The following HOOK2 variants were observed in gnomAD, a reference collection of about 807,000 sequenced individuals.
HOOK2 encodes hook microtubule tethering protein 2, also known as protein Hook homolog 2.
HOOK2 carries 108 observed loss-of-function variants against 111.9 expected under a neutral mutation model. The ratio of observed to expected loss-of-function variants is 0.96; its 90% confidence interval spans 0.83 to 1.13. HOOK2 has a LOEUF of 1.13. Ranked by LOEUF, HOOK2 falls within the 50% of genes most tolerant of loss-of-function variation. The probability of loss-of-function intolerance (pLI) is 0.00; values close to 1 mark genes in which losing one functional copy is unlikely to be tolerated. For synonymous variants in HOOK2, 405 were observed against 394.3 expected (o/e 1.03, Z -0.32); for missense variants, 978 against 951.3 (o/e 1.03, Z -0.37).
Position 12,772,923 on chromosome 19 carries a change from G to A in HOOK2, c.256-11C>T, listed in dbSNP as rs1358608596. On this transcript the variant is annotated splice_polypyrimidine_tract_variant and intron_variant, in intron 4 of 22. Coordinates refer to ENST00000397668, the MANE Select transcript of HOOK2 (RefSeq NM_013312.3). The stretch of plus-strand genomic sequence containing the variant: ...AGGATGCGCCAGGACCTGGGGAGAA[G>A]GGGGTGTCAGGGGCTCATGGGCCCA... The A allele has an allele frequency of 4.3e-6, 7 of 1,614,094 alleles. 1 individual carries two copies. The highest frequency in any genetic ancestry group is 2.2e-5 in the East Asian group (1 of 44,898).
chr19:12,789,199 G>GAGAGAGAGAGAGACAGAGAC (rs1968682921), intron 3 of HOOK2, among the ~76,000 whole-genome samples: 1 of 121,506 alleles, frequency 8.2e-6, no homozygotes, highest in Non-Finnish European at 1.6e-5. Flanking sequence ...GAGACAAAGA[G>GAGAGAGAGAGAGACAGAGAC]AGAGAGAGAG....
intron 11 of HOOK2, among the ~76,000 whole-genome samples, chr19:12,768,963 A>ATTTTT (rs757287596): frequency 8.2e-6 from 1 of 122,322 alleles, no homozygotes; most frequent in African/African-American, 3.1e-5. Context: ...AGCCCGGCTA[A>ATTTTT]TTTTTTTTTT....
At position 12,763,186 on chromosome 19, in the gene HOOK2, C is replaced by T. The variant is rs998100660; in HGVS notation, c.*96G>A. On this transcript the variant is annotated 3_prime_UTR_variant, in exon 23 of 23. Coordinates refer to ENST00000397668, the MANE Select transcript of HOOK2 (RefSeq NM_013312.3). ...AAGAGCAGAGATCATGGCCTCAAAG[C>T]TCTCGAGCACCTGGCTGAAGCCCAG... The T allele has an allele frequency of 1.5e-6, 2 of 1,378,078 alleles. No homozygotes were observed. Among genetic ancestry groups the T allele is most frequent in the East Asian group, 2.3e-5 (1 of 42,766 alleles). The allele number at this position is 1,378,078 out of a possible 1,614,324, so 85.4% of individuals were successfully genotyped here. A position where few individuals can be genotyped will look rare whatever the true frequency, so the allele number is the denominator to read the frequency against.
chr19:12,791,732 GC>G lies in HOOK2; in HGVS notation n.42-17508del. ...GCTCGCTGCAGCGAGGCCCGGAGCG[GC>G]CCCGCAGGGACCCTCCCCAGACCGC... On this transcript the variant is annotated intron_variant and non_coding_transcript_variant, in intron 3 of 3. Transcript: ENST00000589765. This position sits in a 1 kb window ranked among gnomAD's most constrained non-coding sequence, Gnocchi z 7.0. The G allele has an allele frequency of 6.8e-7, 1 of 1,464,652 alleles. No homozygotes were observed. 90.7% of individuals were successfully genotyped at this position (1,464,652 alleles called of 1,614,324 possible). A position where few individuals can be genotyped will look rare whatever the true frequency, so the allele number is the denominator to read the frequency against.
intron 13 of HOOK2, 51 bp from the exon 14 acceptor site, chr19:12,767,515 C>A (rs1968190557): frequency 6.9e-7 from 1 of 1,439,142 alleles, no homozygotes; most frequent in Non-Finnish European, 9.8e-7. Context: ...CCTGTCCCCG[C>A]CCCTAGGGTC....
chr19:12,774,532 G>A (rs749485126), intron 3 of HOOK2, 137 bp downstream of exon 3: 6 of 838,268 alleles, frequency 7.2e-6, no homozygotes, highest in African/African-American at 5.0e-5. Context: ...GTACTCCATA[G>A]ATGAATGGAT....
At chr19:12,764,562 T>A (rs1968093820) in intron 20 of HOOK2, 4 of 512,916 alleles carry the variant, frequency 7.8e-6, no homozygotes, top group African/African-American at 1.9e-5. Flanking sequence ...ACTCCTGACC[T>A]CATGTTCCGC....
intron 3 of HOOK2, chr19:12,792,222 C>T (rs1968728122): frequency 6.5e-7 from 1 of 1,539,804 alleles, no homozygotes; most frequent in African/African-American, 1.4e-5. Flanking sequence ...CAAGATGAAC[C>T]ACGTGACACC....
chr19:12,766,457 A>C, intron 14 of HOOK2: 1 of 542,688 alleles, frequency 1.8e-6, no homozygotes, highest in Non-Finnish European at 3.2e-6. Flanking sequence ...GGGGCTAGGC[A>C]GGGGCGGAGC....
In HOOK2 at chr19:12,786,304, C is replaced by T. The variant is rs1197627946; in HGVS notation, n.42-12079G>A. On this transcript the variant is annotated intron_variant and non_coding_transcript_variant, in intron 3 of 3. Transcript: ENST00000589765. This position sits in a 1 kb window ranked among gnomAD's most constrained non-coding sequence, Gnocchi z 4.3. ...CCTGGCCTGCCCACTGGCTGACTCACAGGCAGCCCCCAGCCCAGTTTCCTA... is the reference window on the plus strand; with the variant it reads ...CCTGGCCTGCCCACTGGCTGACTCATAGGCAGCCCCCAGCCCAGTTTCCTA... Among the ~76,000 whole-genome samples the T allele has an allele frequency of 6.6e-6, 1 of 152,130 alleles. No individual in the cohort carries two copies.
intron 3 of HOOK2, among the ~76,000 whole-genome samples, chr19:12,789,207 G>GAGAGACAGAGAC (rs879800246): frequency 7.4e-6 from 1 of 135,020 alleles, no homozygotes; most frequent in African/African-American, 3.5e-5. Flanking sequence ...GAGAGAGAGA[G>GAGAGACAGAGAC]AGAGACAGAG....
At chr19:12,769,618 C>A (rs1234467465) in intron 11 of HOOK2, among the ~76,000 whole-genome samples, 1 of 152,176 alleles carries the variant, frequency 6.6e-6, no homozygotes, top group African/African-American at 2.4e-5. Flanking sequence ...AGTTTTGTTA[C>A]ATGGTTAGGT....
At chr19:12,767,520 A>G in intron 13 of HOOK2, 56 bp from the exon 14 acceptor site, 1 of 1,409,402 alleles carries the variant, frequency 7.1e-7, no homozygotes, top group Non-Finnish European at 1.0e-6. Flanking sequence ...CCCCGCCCCT[A>G]GGGTCTTCTT....
chr19:12,771,696 A>C (rs951452648), intron 7 of HOOK2: 1 of 557,050 alleles, frequency 1.8e-6, no homozygotes, highest in African/African-American at 1.9e-5. Flanking sequence ...CAGCCTGCCC[A>C]ACGTGGCGAA....
At chr19:12,782,276 G>C (rs1158852191), upstream of HOOK2, among the ~76,000 whole-genome samples, 2 of 152,238 alleles carry the variant, frequency 1.3e-5, no homozygotes, top group African/African-American at 4.8e-5. Context: ...GTGATTGTCT[G>C]CGTCTCCATC....
At chr19:12,788,005 ACAT>A (rs1968673012) in intron 3 of HOOK2, among the ~76,000 whole-genome samples, 1 of 152,216 alleles carries the variant, frequency 6.6e-6, no homozygotes, top group Admixed American at 6.5e-5. Context: ...CAGTGAGCCA[ACAT>A]CATGCCATTG....
chr19:12,775,208 C>A (rs777622642), intron 1 of HOOK2, 197 bp downstream of exon 1: 136 of 985,222 alleles, frequency 1.4e-4, no homozygotes, highest in Middle Eastern at 1.0e-3. Flanking sequence ...CACAGAGGGG[C>A]GGGGCCTCAC....
chr19:12,773,198 C>G (rs973136343), intron 3 of HOOK2, 154 bp from the exon 4 acceptor site: 4 of 579,386 alleles, frequency 6.9e-6, no homozygotes, highest in Middle Eastern at 4.4e-4. Context: ...GTCTGGCTGT[C>G]TGCCCCTTTT....
Position 12,763,566 on chromosome 19 carries a change from G to A in HOOK2, c.1972C>T (p.Gln658Ter). 6.2e-7 allele frequency: 1 copy of A among 1,614,226 alleles called. No homozygotes were observed. The highest frequency in any genetic ancestry group is 8.5e-7 in the Non-Finnish European group (1 of 1,180,038). The change falls in exon 22 of 23, where the codon CAG becomes TAG. Residue 658 changes from glutamine to a stop codon, truncating the protein, a stop_gained. Coordinates refer to ENST00000397668, the MANE Select transcript of HOOK2 (RefSeq NM_013312.3). LOFTEE classifies it high-confidence loss of function. ...GCACTGATGAGCAGCTTTTCTTCCT[G>A]CTCCCGCTGACTTCGGCTTTTCTCA... ...DFEKSRSQRE[Q>*]EEKLLISAWY...
Sources: gnomAD v4.1 joint callset for allele counts (sites outside exome capture counted in the v4.1 genomes callset) on GRCh38, gnomAD v4.1.1 for gene constraint, Gnocchi (gnomAD v3.1) non-coding constraint, MANE v1.5 for transcripts, NCBI Gene and HGNC (gene_info 2026-07-23, HGNC 2026-07-21) for gene names.